CYP3A4: variants seen among roughly 807,000 people sequenced by gnomAD.
CYP3A4 encodes the protein cytochrome P450 family 3 subfamily A member 4, also known as cytochrome P450 3A4.
A neutral mutation model predicts 54.9 loss-of-function variants in CYP3A4; 41 were observed. The ratio of observed to expected loss-of-function variants is 0.75; its 90% confidence interval spans 0.58 to 0.97. CYP3A4 has a LOEUF of 0.97. CYP3A4 is among the 50% of genes least tolerant of loss of function. The pLI, the probability that CYP3A4 is intolerant of heterozygous loss-of-function variation, is 0.00. For missense variants in CYP3A4, 510 were observed against 597.3 expected (o/e 0.85, Z 1.52); for synonymous variants, 179 against 205.2 (o/e 0.87, Z 1.09).
rs543351515 is a variant in CYP3A4, at chr7:99,775,553, C to T, written c.218+2475G>A. ...AATAACACCATGCATCTACTACCAT[C>T]TGATGTTTGACAAACCTGACACACA... On this transcript the variant is annotated intron_variant, in intron 3 of 12. Transcript: ENST00000651514. 2.3e-3 allele frequency among the ~76,000 whole-genome samples: 349 copies of T among 152,296 alleles called. 1 individual carries two copies. Among genetic ancestry groups the T allele is most frequent in the Non-Finnish European group, 3.4e-3 (234 of 68,012 alleles).
intron 4 of CYP3A4, 99 bp from the exon 5 acceptor site, chr7:99,770,334 T>TGTGTTG: frequency 8.7e-7 from 1 of 1,143,128 alleles, no homozygotes; most frequent in South Asian, 1.3e-5. Flanking sequence ...CAACAACTAT[T>TGTGTTG]TAGTGACTGT....
intron 3 of CYP3A4, among the ~76,000 whole-genome samples, chr7:99,777,346 A>G (rs1815796448): frequency 6.6e-6 from 1 of 152,172 alleles, no homozygotes; most frequent in Non-Finnish European, 1.5e-5. Flanking sequence ...AAGTAATCAC[A>G]ATGCTCCCAG....
At chr7:99,762,573 T>C (rs1284121010) in intron 10 of CYP3A4, among the ~76,000 whole-genome samples, 1 of 151,940 alleles carries the variant, frequency 6.6e-6, no homozygotes, top group Non-Finnish European at 1.5e-5. Flanking sequence ...CACACACACA[T>C]ATATATGTGT....
intron 2 of CYP3A4, 45 bp downstream of exon 2, chr7:99,779,947 C>G: frequency 1.3e-6 from 2 of 1,564,060 alleles, no homozygotes; most frequent in Non-Finnish European, 1.8e-6. Flanking sequence ...CTAAGCTGCT[C>G]TTGGCAATCA....
At chr7:99,783,772 C>T (rs1417499229) in intron 1 of CYP3A4, among the ~76,000 whole-genome samples, 2 of 152,046 alleles carry the variant, frequency 1.3e-5, no homozygotes, top group African/African-American at 4.8e-5. Flanking sequence ...CCATGCCCAG[C>T]TAATTTTTGT....
At chr7:99,779,903 T>G in intron 2 of CYP3A4, 89 bp downstream of exon 2, 2 of 1,250,412 alleles carry the variant, frequency 1.6e-6, no homozygotes, top group Non-Finnish European at 2.3e-6. Context: ...ACTTCAGACC[T>G]TCCCCCTGAG....
intron 12 of CYP3A4, among the ~76,000 whole-genome samples, chr7:99,760,387 C>A (rs1332156557): frequency 6.6e-6 from 1 of 152,176 alleles, no homozygotes; most frequent in South Asian, 2.1e-4. Flanking sequence ...ATTTTTAAAG[C>A]TCCCTGGTGA....
At chr7:99,762,355 C>T (rs1197216312) in intron 10 of CYP3A4, 88 bp from the exon 11 acceptor site, 68 of 1,478,790 alleles carry the variant, frequency 4.6e-5, no homozygotes, top group Non-Finnish European at 6.0e-5. Flanking sequence ...GTATTAGGAG[C>T]TCCAGAGACT....
rs758723616 is a variant in CYP3A4, at chr7:99,779,991, C to T, written c.165+1G>A. On this transcript the variant is annotated splice_donor_variant, in intron 2 of 12. Coordinates refer to ENST00000651514, the MANE Select transcript of CYP3A4 (RefSeq NM_017460.6). LOFTEE classifies it high-confidence loss of function. ...AAAAGAGTGAGCTCAAAAACACTCA[C>T]CTTATGGTAGGACAAAATATTTCCC... The T allele has an allele frequency of 6.8e-6, 11 of 1,612,018 alleles. No homozygotes were observed. The highest frequency in any genetic ancestry group is 9.3e-6 in the Non-Finnish European group (11 of 1,178,414).
At chr7:99,782,539 C>T (rs902612595) in intron 1 of CYP3A4, among the ~76,000 whole-genome samples, 1 of 152,148 alleles carries the variant, frequency 6.6e-6, no homozygotes, top group African/African-American at 2.4e-5. Context: ...TGGCAGACCA[C>T]ACACAGAGTG....
chr7:99,758,940 G>T (rs145961716), intron 12 of CYP3A4, among the ~76,000 whole-genome samples: 1 of 152,100 alleles, frequency 6.6e-6, no homozygotes, highest in African/African-American at 2.4e-5. Flanking sequence ...CACTCCTTCC[G>T]TGTTGAGGGG....
intron 7 of CYP3A4, among the ~76,000 whole-genome samples, chr7:99,767,459 C>T (rs1005878704): frequency 5.3e-5 from 8 of 152,118 alleles, no homozygotes; most frequent in Admixed American, 3.3e-4. Context: ...TAAGGAGCAC[C>T]GCTACAGCAG....
At chr7:99,781,962 G>A (rs543040483) in intron 1 of CYP3A4, among the ~76,000 whole-genome samples, 19 of 152,340 alleles carry the variant, frequency 1.2e-4, no homozygotes, top group Middle Eastern at 3.4e-3. Flanking sequence ...GAGAAATGGC[G>A]TGGAGGCTCA....
At chr7:99,764,651 A>G (rs528092131) in intron 9 of CYP3A4, among the ~76,000 whole-genome samples, 1 of 152,320 alleles carries the variant, frequency 6.6e-6, no homozygotes, top group East Asian at 1.9e-4. Flanking sequence ...CAAAATCTGA[A>G]CTTTCACAAG....
chr7:99,770,574 T>C (rs879844488), intron 4 of CYP3A4, among the ~76,000 whole-genome samples: 3 of 152,196 alleles, frequency 2.0e-5, no homozygotes, highest in Non-Finnish European at 4.4e-5. Context: ...CTAGCACTTC[T>C]GCAGTGTAGA....
At chr7:99,783,855 T>C (rs1815990284) in intron 1 of CYP3A4, among the ~76,000 whole-genome samples, 156 bp downstream of exon 1, 1 of 152,154 alleles carries the variant, frequency 6.6e-6, no homozygotes, top group Admixed American at 6.5e-5. Context: ...GCAGTCCACT[T>C]GCCTTAGCCT....
chr7:99,775,671 C>T (rs1172742093), intron 3 of CYP3A4, among the ~76,000 whole-genome samples: 4 of 152,156 alleles, frequency 2.6e-5, no homozygotes, highest in African/African-American at 9.7e-5. Flanking sequence ...CCCTTCCTTA[C>T]ACCTTATACA....
At position 99,765,496 on chromosome 7, in the gene CYP3A4, A is replaced by C. The variant is rs139714695; in HGVS notation, c.865+881T>G. Among the ~76,000 whole-genome samples the C allele has an allele frequency of 8.1e-4, 123 of 151,066 alleles. 2 individuals carry two copies. The East Asian group carries it at 0.015, about 18-fold the overall frequency. On this transcript the variant is annotated intron_variant, in intron 9 of 12. Transcript: ENST00000651514. ...TGATAGATAGATAGATGATAGATAGATAGATAGATACATAGCTAGATAGAT... is the reference window on the plus strand; with the variant it reads ...TGATAGATAGATAGATGATAGATAGCTAGATAGATACATAGCTAGATAGAT...
chr7:99,777,943 C>T (rs1815814824), intron 3 of CYP3A4, 85 bp downstream of exon 3: 10 of 1,054,134 alleles, frequency 9.5e-6, no homozygotes, highest in Non-Finnish European at 1.5e-5. Context: ...TCCCAAGAGG[C>T]TTTGGGCTGA....
Sources: gnomAD v4.1 joint callset for allele counts (sites outside exome capture counted in the v4.1 genomes callset) on GRCh38, gnomAD v4.1.1 for gene constraint, MANE v1.5 for transcripts, NCBI Gene and HGNC (gene_info 2026-07-23, HGNC 2026-07-21) for gene names.